The following RPS6KC1 variants were observed in gnomAD, a reference collection of about 807,000 sequenced individuals.
RPS6KC1 encodes ribosomal protein S6 kinase C1, also known as inactive ribosomal protein S6 kinase delta-1.
RPS6KC1 carries 54 observed loss-of-function variants against 103.8 expected under a neutral mutation model. The ratio of observed to expected loss-of-function variants is 0.52; its 90% CI spans 0.42 to 0.65. RPS6KC1 has a LOEUF of 0.65. Among genes scored for constraint, RPS6KC1 ranks in the 30% least tolerant of loss-of-function variants. The probability of loss-of-function intolerance (pLI) is 0.00; values close to 1 mark genes in which losing one functional copy is unlikely to be tolerated. For synonymous variants in RPS6KC1, 439 were observed against 438.7 expected (o/e 1.00, Z -0.01); for missense variants, 1,151 against 1,253.8 (o/e 0.92, Z 1.24).
chr1:213,558,416 G>T, the RPS6KC1 span, among the ~76,000 whole-genome samples: 1 of 152,144 alleles, frequency 6.6e-6, no homozygotes, highest in Non-Finnish European at 1.5e-5. Flanking sequence ...TCAGGATGCT[G>T]CCAGCACCTG....
chr1:213,226,434 G>C (rs1487747757), intron 8 of RPS6KC1, among the ~76,000 whole-genome samples: 4 of 152,266 alleles, frequency 2.6e-5, no homozygotes, highest in East Asian at 3.9e-4. Context: ...CTCAAGATTT[G>C]TGTTCATTGT....
the RPS6KC1 span, among the ~76,000 whole-genome samples, chr1:213,630,923 T>C: frequency 6.6e-6 from 1 of 152,210 alleles, no homozygotes; most frequent in Non-Finnish European, 1.5e-5. Context: ...TGCTGTCTGA[T>C]TGTTCCTCTG....
chr1:213,664,617 T>G, the RPS6KC1 span, among the ~76,000 whole-genome samples: 1 of 152,214 alleles, frequency 6.6e-6, no homozygotes, highest in Admixed American at 6.5e-5. Context: ...TTTTTTGTTT[T>G]GTTTTGTTTT....
At chr1:213,751,729 G>T in the RPS6KC1 span, among the ~76,000 whole-genome samples, 3 of 152,144 alleles carry the variant, frequency 2.0e-5, no homozygotes, top group African/African-American at 7.2e-5. Context: ...TTAGTTTGGG[G>T]CACTCTTTAT....
At chr1:213,279,107 G>A (rs1038484011), downstream of RPS6KC1, among the ~76,000 whole-genome samples, 20 of 152,186 alleles carry the variant, frequency 1.3e-4, no homozygotes, top group East Asian at 7.7e-4. Context: ...AACTAGTGAT[G>A]TTTCTTGGAG....
At chr1:213,521,733 A>G in the RPS6KC1 span, among the ~76,000 whole-genome samples, 256 of 152,284 alleles carry the variant, frequency 1.7e-3, no homozygotes, top group African/African-American at 6.0e-3. Flanking sequence ...TCAGGAAACC[A>G]TTTTCTTTGC....
chr1:213,582,089 T>A, the RPS6KC1 span, among the ~76,000 whole-genome samples: 5 of 93,540 alleles, frequency 5.3e-5, no homozygotes, highest in Admixed American at 1.9e-4. Context: ...ATCAGGGACC[T>A]TTTTTTTTTT....
chr1:213,392,857 T>C, the RPS6KC1 span, among the ~76,000 whole-genome samples: 6 of 152,336 alleles, frequency 3.9e-5, no homozygotes, highest in South Asian at 1.2e-3. Context: ...ATTTGGTCAG[T>C]TAAATCATTT....
chr1:213,165,702 C>T (rs1192232023), intron 6 of RPS6KC1, among the ~76,000 whole-genome samples: 2 of 152,130 alleles, frequency 1.3e-5, no homozygotes, highest in Non-Finnish European at 2.9e-5. Context: ...GGATTACAGG[C>T]GTGAGCCACC....
intron 6 of RPS6KC1, among the ~76,000 whole-genome samples, chr1:213,152,443 C>T (rs547439434): frequency 2.6e-4 from 38 of 146,192 alleles, no homozygotes; most frequent in African/African-American, 3.8e-4. Context: ...ACTTCCCAGA[C>T]GGGGCGGCTG....
chr1:213,054,637 T>C (rs2077192881), intron 1 of RPS6KC1, among the ~76,000 whole-genome samples: 1 of 152,224 alleles, frequency 6.6e-6, no homozygotes, highest in South Asian at 2.1e-4. Flanking sequence ...TTTTAATCAT[T>C]GGAAGTACCA....
the RPS6KC1 span, among the ~76,000 whole-genome samples, chr1:213,512,454 A>G: frequency 3.3e-5 from 5 of 152,288 alleles, no homozygotes; most frequent in African/African-American, 9.6e-5. Flanking sequence ...GGCTGTAATA[A>G]AAGTCACACA....
intron 4 of RPS6KC1, among the ~76,000 whole-genome samples, chr1:213,108,946 G>T (rs1010696917): frequency 9.9e-5 from 15 of 151,828 alleles, no homozygotes; most frequent in Non-Finnish European, 1.5e-4. Flanking sequence ...CACCACACCT[G>T]GCTGAAGGTA....
the RPS6KC1 span, among the ~76,000 whole-genome samples, chr1:213,394,890 A>C: frequency 6.6e-6 from 1 of 152,236 alleles, no homozygotes; most frequent in Admixed American, 6.5e-5. Context: ...ACACAGAAGG[A>C]AACAGTGCAG....
chr1:213,415,375 G>T, the RPS6KC1 span, among the ~76,000 whole-genome samples: 1 of 152,236 alleles, frequency 6.6e-6, no homozygotes, highest in Non-Finnish European at 1.5e-5. Context: ...CTTTGTTGTG[G>T]TGAGGGTAAG....
chr1:213,685,038 C>T, the RPS6KC1 span, among the ~76,000 whole-genome samples: 4 of 152,308 alleles, frequency 2.6e-5, no homozygotes, highest in African/African-American at 9.6e-5. Flanking sequence ...CCACCCTCTC[C>T]TTTTGGAAAT....
the RPS6KC1 span, among the ~76,000 whole-genome samples, chr1:213,744,743 C>A: frequency 1.3e-5 from 2 of 152,252 alleles, no homozygotes; most frequent in African/African-American, 4.8e-5. Context: ...CTGGGAGAGA[C>A]CCGTTCTCCT....
At chr1:213,451,567 G>A in the RPS6KC1 span, among the ~76,000 whole-genome samples, 3 of 152,202 alleles carry the variant, frequency 2.0e-5, no homozygotes, top group African/African-American at 7.2e-5. Flanking sequence ...GGGGGAGGTC[G>A]CGTGGCTCCT....
chr1:213,356,695 C>G, the RPS6KC1 span, among the ~76,000 whole-genome samples: 2 of 152,278 alleles, frequency 1.3e-5, no homozygotes, highest in South Asian at 4.2e-4. Context: ...CCCCAGATAA[C>G]GTCATAGACA....
Sources: gnomAD v4.1 joint callset for allele counts (sites outside exome capture counted in the v4.1 genomes callset) on GRCh38, gnomAD v4.1.1 for gene constraint, MANE v1.5 for transcripts, NCBI Gene and HGNC (gene_info 2026-07-23, HGNC 2026-07-21) for gene names.